The following INTS7 variants were observed in gnomAD, a reference collection of about 807,000 sequenced individuals.
INTS7 encodes the protein integrator complex subunit 7.
Under a neutral mutation model 109.2 loss-of-function variants are expected in INTS7, and 46 were observed. The observed-to-expected ratio is 0.42, with a 90% CI of 0.33 to 0.54. INTS7 has a LOEUF of 0.54. INTS7 is among the 20% of genes least tolerant of loss of function. INTS7 has a pLI of 0.07. For synonymous variants in INTS7, 412 were observed against 402.9 expected (o/e 1.02, Z -0.27); for missense variants, 929 against 1,132.4 (o/e 0.82, Z 2.58).
chr1:211,952,347 T>C (rs756821827), intron 17 of INTS7: 5 of 378,476 alleles, frequency 1.3e-5, no homozygotes, highest in East Asian at 4.3e-5. Context: ...GATTTTTATA[T>C]ATTAATATAA....
chr1:211,973,122 T>C (rs1664253278), intron 13 of INTS7, among the ~76,000 whole-genome samples: 1 of 152,166 alleles, frequency 6.6e-6, no homozygotes, highest in African/African-American at 2.4e-5. Flanking sequence ...GGCTAATTTT[T>C]TTTTGTAGAG....
chr1:212,006,893 T>A (rs1406610246), intron 6 of INTS7, 132 bp from the exon 7 acceptor site: 24 of 710,842 alleles, frequency 3.4e-5, no homozygotes, highest in Non-Finnish European at 5.3e-5. Flanking sequence ...TCACTAGCTA[T>A]GTGCCCACAT....
At chr1:212,012,221 G>A (rs754298664) in intron 4 of INTS7, among the ~76,000 whole-genome samples, 1 of 151,992 alleles carries the variant, frequency 6.6e-6, no homozygotes, top group Non-Finnish European at 1.5e-5. Flanking sequence ...GCCACCCAGG[G>A]ACTAGCAATT....
At chr1:212,012,511 T>C (rs925546579) in intron 4 of INTS7, among the ~76,000 whole-genome samples, 1 of 152,096 alleles carries the variant, frequency 6.6e-6, no homozygotes, top group Admixed American at 6.5e-5. Flanking sequence ...TCCCAGCAAT[T>C]TGGGATTGCT....
chr1:211,956,942 T>C (rs947016215), intron 16 of INTS7, among the ~76,000 whole-genome samples: 1 of 152,198 alleles, frequency 6.6e-6, no homozygotes, highest in Non-Finnish European at 1.5e-5. Flanking sequence ...GGTAGAACAG[T>C]AGGAATAGAA....
At chr1:211,979,385 G>C (rs1189301003) in intron 10 of INTS7, among the ~76,000 whole-genome samples, 5 of 152,154 alleles carry the variant, frequency 3.3e-5, no homozygotes, top group Non-Finnish European at 7.3e-5. Context: ...TTATTAGCTA[G>C]GTGGCTTTGA....
At chr1:211,969,057 G>T (rs964458068) in intron 13 of INTS7, among the ~76,000 whole-genome samples, 1 of 152,058 alleles carries the variant, frequency 6.6e-6, no homozygotes, top group Non-Finnish European at 1.5e-5. Context: ...GGTCGAGGCG[G>T]GTGGATCACA....
Position 212,020,115 on chromosome 1 carries a change from T to C in INTS7, c.371+7A>G, listed in dbSNP as rs1666627589. 4 of 1,573,806 alleles carry C rather than the reference T, an allele frequency of 2.5e-6. No homozygotes were observed. Among genetic ancestry groups the C allele is most frequent in the East Asian group, 2.3e-5 (1 of 44,358 alleles). On this transcript the variant is annotated splice_region_variant and intron_variant, in intron 3 of 19. Coordinates refer to ENST00000366994, the MANE Select transcript of INTS7 (RefSeq NM_015434.4). Reference sequence around the variant, plus strand: ...CTCATAGTGAATTATTATAATACGGTATATACCGGAGGGTGATGGCTCTTG... The same window carrying C: ...CTCATAGTGAATTATTATAATACGGCATATACCGGAGGGTGATGGCTCTTG...
Position 211,944,790 on chromosome 1 carries a change from G to A in INTS7, c.2595C>T (p.Asp865=), listed in dbSNP as rs139927041. 6.2e-7 allele frequency: 1 copy of A among 1,613,176 alleles called. No individual in the cohort carries two copies. The highest frequency in any genetic ancestry group is 8.5e-7 in the Non-Finnish European group (1 of 1,179,162). ...TGCCTCTTTTCTAAATTACCTTGTAGTCTTGTCCAGATTTACTCTGCAGTG... is the reference window on the plus strand; with the variant it reads ...TGCCTCTTTTCTAAATTACCTTGTAATCTTGTCCAGATTTACTCTGCAGTG... ...SSTLQSKSGQ[D]YKIPIDNMTN... The change falls in exon 19 of 20, where the codon GAC becomes GAT. Residue 865 remains aspartate (D), a synonymous_variant. Coordinates refer to ENST00000366994, the MANE Select transcript of INTS7 (RefSeq NM_015434.4).
At chr1:211,976,252 G>A (rs952879912) in intron 12 of INTS7, among the ~76,000 whole-genome samples, 2 of 152,152 alleles carry the variant, frequency 1.3e-5, no homozygotes, top group Admixed American at 6.5e-5. Context: ...GAACAAAGAT[G>A]TGGTATACTG....
chr1:211,983,309 C>A (rs538665749), intron 8 of INTS7, among the ~76,000 whole-genome samples: 3 of 152,036 alleles, frequency 2.0e-5, no homozygotes, highest in African/African-American at 4.8e-5. Context: ...ATTTAACACA[C>A]CCTATTTTTA....
At chr1:211,981,020 T>A in intron 10 of INTS7, 73 bp downstream of exon 10, 1 of 797,638 alleles carries the variant, frequency 1.3e-6, no homozygotes, top group Non-Finnish European at 2.1e-6. Flanking sequence ...GAGCTATGTC[T>A]GCTTAACTTT....
At chr1:211,953,759 C>T (rs1374692385) in intron 16 of INTS7, among the ~76,000 whole-genome samples, 1 of 151,068 alleles carries the variant, frequency 6.6e-6, no homozygotes, top group African/African-American at 2.4e-5. Context: ...CATAGTATTC[C>T]ATGGTGTATA....
At chr1:211,962,873 A>G (rs545278419) in intron 16 of INTS7, among the ~76,000 whole-genome samples, 1 of 152,344 alleles carries the variant, frequency 6.6e-6, no homozygotes, top group East Asian at 1.9e-4. Flanking sequence ...GAACACAGCT[A>G]GTGTTAAGAA....
rs539793393 is a variant in INTS7 at position 212,014,964 on chromosome 1, G to A, written c.509+1922C>T. 3.9e-3 allele frequency among the ~76,000 whole-genome samples: 587 copies of A among 152,260 alleles called. 6 individuals are homozygous for A. Among genetic ancestry groups the A allele is most frequent in the African/African-American group, 0.013 (556 of 41,516 alleles). The stretch of plus-strand genomic sequence containing the variant: ...CTGTGCCCGGCCGCCACCCCGTCTG[G>A]GAAGTGAGGAGCGTCTCTAACCGGC... On this transcript the variant is annotated intron_variant, in intron 4 of 19. Coordinates refer to ENST00000366994, the MANE Select transcript of INTS7 (RefSeq NM_015434.4).
At chr1:212,012,846 T>C (rs1483219994) in intron 4 of INTS7, among the ~76,000 whole-genome samples, 2 of 152,192 alleles carry the variant, frequency 1.3e-5, no homozygotes, top group African/African-American at 4.8e-5. Flanking sequence ...GTGATTCTCA[T>C]ATATAAAATT....
At chr1:211,997,410 C>A (rs547300543) in intron 7 of INTS7, among the ~76,000 whole-genome samples, 1 of 151,196 alleles carries the variant, frequency 6.6e-6, no homozygotes, top group East Asian at 1.9e-4. Context: ...GTGGCGTGTA[C>A]CTGTAGTCCC....
intron 4 of INTS7, chr1:212,011,668 A>G: frequency 2.5e-6 from 1 of 395,192 alleles, no homozygotes; most frequent in Admixed American, 4.2e-5. Context: ...ACCACAATAC[A>G]GTGTTATTTT....
Position 211,946,226 on chromosome 1 carries a change from T to TA in INTS7, c.2415+380dup, listed in dbSNP as rs1438222606. ...AGCCAGGCACAGTGGCTCATGCCTG[T>TA]AATCCCAGCACTTTGGGAGGCAGAG... On this transcript the variant is annotated intron_variant, in intron 18 of 19. Coordinates refer to ENST00000366994, the MANE Select transcript of INTS7 (RefSeq NM_015434.4). The surrounding 1 kb of genome is among the most constrained non-coding windows in gnomAD (Gnocchi z 4.3). 6.6e-6 allele frequency among the ~76,000 whole-genome samples: 1 copy of TA among 152,234 alleles called. No individual in the cohort carries two copies. The highest frequency in any genetic ancestry group is 1.5e-5 in the Non-Finnish European group (1 of 68,040).
Sources: gnomAD v4.1 joint callset for allele counts (sites outside exome capture counted in the v4.1 genomes callset) on GRCh38, gnomAD v4.1.1 for gene constraint, Gnocchi (gnomAD v3.1) non-coding constraint, MANE v1.5 for transcripts, NCBI Gene and HGNC (gene_info 2026-07-23, HGNC 2026-07-21) for gene names.